EPAS1: variants seen among roughly 807,000 people sequenced by gnomAD.
EPAS1 encodes the protein endothelial PAS domain protein 1.
In EPAS1, 23 loss-of-function variants were observed where a neutral mutation model predicts 87.9. The observed-to-expected ratio is 0.26, with a 90% confidence interval of 0.19 to 0.37. EPAS1 has a LOEUF of 0.37. Ranked by LOEUF, EPAS1 falls within the 10% of genes least tolerant of loss-of-function variation. EPAS1 has a pLI of 1.00. For synonymous variants in EPAS1, 508 were observed against 444.3 expected (o/e 1.14, Z -1.80); for missense variants, 1,138 against 1,120.7 (o/e 1.02, Z -0.22).
At position 46,380,127 on chromosome 2, in the gene EPAS1, CAG is replaced by C; in HGVS notation, c.1555-99_1555-98del. The C allele has an allele frequency of 1.3e-6, 2 of 1,587,562 alleles. No individual in the cohort carries two copies. Among genetic ancestry groups the C allele is most frequent in the Non-Finnish European group, 8.5e-7 (1 of 1,170,014 alleles). On this transcript the variant is annotated intron_variant, in intron 11 of 15. Transcript: ENST00000263734. This position sits in a 1 kb window ranked among gnomAD's most constrained non-coding sequence, Gnocchi z 4.4. ...GAGGCGTTTGAGCAGCACTGTGAAA[CAG>C]TGCTTGAGATGAATGGCTCTGCAGG...
Position 46,353,053 on chromosome 2 carries a change from G to A in EPAS1, c.218-3098G>A, listed in dbSNP as rs191914823. On this transcript the variant is annotated intron_variant, in intron 2 of 15. Coordinates refer to ENST00000263734, the MANE Select transcript of EPAS1 (RefSeq NM_001430.5). The stretch of plus-strand genomic sequence containing the variant: ...GATTACTTCAGATTTTGAAGTCAGC[G>A]TTACCACTGAGATCAAAGAAATTGA... 6.4e-4 allele frequency among the ~76,000 whole-genome samples: 97 copies of A among 152,044 alleles called. 1 individual carries two copies. The highest frequency in any genetic ancestry group is 6.3e-3 in the Admixed American group (96 of 15,300).
At chr2:46,324,893 G>T (rs1410460568) in intron 1 of EPAS1, among the ~76,000 whole-genome samples, 2 of 152,268 alleles carry the variant, frequency 1.3e-5, no homozygotes, top group Non-Finnish European at 2.9e-5. Flanking sequence ...CTCACAGCCT[G>T]CCTTTCTTTC....
At chr2:46,363,442 C>T (rs1054734349) in intron 6 of EPAS1, among the ~76,000 whole-genome samples, 5 of 152,178 alleles carry the variant, frequency 3.3e-5, no homozygotes, top group East Asian at 1.9e-4. Flanking sequence ...ATCCTTGTTA[C>T]AGTGAGAAGA....
intron 1 of EPAS1, among the ~76,000 whole-genome samples, chr2:46,335,023 T>C (rs1027435612): frequency 1.1e-4 from 17 of 152,328 alleles, no homozygotes; most frequent in Admixed American, 3.3e-4. Context: ...ACAGATTCTC[T>C]ACCAGCTCTC....
intron 10 of EPAS1, among the ~76,000 whole-genome samples, 153 bp from the exon 11 acceptor site, chr2:46,378,504 C>A (rs1466474144): frequency 1.3e-5 from 2 of 152,202 alleles, no homozygotes; most frequent in Non-Finnish European, 2.9e-5. Flanking sequence ...CTAATTCATA[C>A]AGCTTGTTAA....
chr2:46,369,865 T>G lies in EPAS1; in HGVS notation c.818T>G (p.Leu273Arg), dbSNP rs200537958. The change falls in exon 7 of 16, where the codon CTT becomes CGT. Residue 273 changes from leucine to arginine, a missense_variant. Physicochemically the swap from Leu to Arg is moderately radical, Grantham distance 102. Around this residue, in one of 4 missense-constraint regions of EPAS1, gnomAD observed 351 missense variants for 417.1 expected, o/e 0.84. Transcript: ENST00000263734. ...ELIGYHPEEL[L>R]GRSAYEFYHA... is the part of the protein sequence containing the mutation. ...ATTGGTTACCACCCTGAGGAGCTGCTTGGCCGCTCAGCCTATGAATTCTAC... is the reference window on the plus strand; with the variant it reads ...ATTGGTTACCACCCTGAGGAGCTGCGTGGCCGCTCAGCCTATGAATTCTAC... The G allele has an allele frequency of 7.8e-5, 126 of 1,613,388 alleles. No homozygotes were observed. In the African/African-American group the frequency reaches 1.2e-3, roughly 16 times the overall value.
chr2:46,302,448 C>T (rs1015410793), intron 1 of EPAS1, among the ~76,000 whole-genome samples: 42 of 151,934 alleles, frequency 2.8e-4, no homozygotes, highest in African/African-American at 9.4e-4. Flanking sequence ...GCTTTCAGTA[C>T]TAACCATTGC....
chr2:46,353,584 A>C (rs1165221058), intron 2 of EPAS1, among the ~76,000 whole-genome samples: 1 of 152,230 alleles, frequency 6.6e-6, no homozygotes. Context: ...ATTTGAAAGC[A>C]CTGAGTTAAG....
chr2:46,316,324 T>C (rs947409059), intron 1 of EPAS1, among the ~76,000 whole-genome samples: 2 of 151,988 alleles, frequency 1.3e-5, no homozygotes, highest in African/African-American at 4.8e-5. Context: ...AATGGGGCAA[T>C]CTTAGCTCAC....
chr2:46,356,193 T>G lies in EPAS1; in HGVS notation c.260T>G (p.Met87Arg). 6.4e-7 allele frequency: 1 copy of G among 1,558,900 alleles called. No individual in the cohort carries two copies. ...TCCGAAGCCGAAGCTGACCAGCAGA[T>G]GGACAACTTGTACCTGAAAGCCTTG... is the stretch of plus-strand genomic sequence containing the variant. Reference protein sequence around the residue: ...NESEAEADQQMDNLYLKALEG... With the variant: ...NESEAEADQQRDNLYLKALEG... The change falls in exon 3 of 16, where the codon ATG becomes AGG. Residue 87 changes from methionine to arginine, a missense_variant. Coordinates refer to ENST00000263734, the MANE Select transcript of EPAS1 (RefSeq NM_001430.5).
chr2:46,309,682 TA>T (rs1177956324), intron 1 of EPAS1, among the ~76,000 whole-genome samples: 1 of 152,154 alleles, frequency 6.6e-6, no homozygotes, highest in African/African-American at 2.4e-5. Context: ...AAGGCAGCAA[TA>T]AACAGAGTGT....
rs774395818 is a variant in EPAS1, at chr2:46,375,751, C to T, written c.948C>T (p.Tyr316=). The change falls in exon 8 of 16, where the codon TAC becomes TAT. Residue 316 remains tyrosine, a synonymous_variant. Coordinates refer to ENST00000263734, the MANE Select transcript of EPAS1 (RefSeq NM_001430.5). This position sits in a 1 kb window ranked among gnomAD's most constrained non-coding sequence, Gnocchi z 4.1. The part of the protein sequence containing the change: ...QYRMLAKHGG[Y]VWLETQGTVI... ...GGATGCTCGCAAAGCATGGGGGCTA[C>T]GTGTGGCTGGAGACCCAGGGGACGG... The T allele has an allele frequency of 2.0e-5, 33 of 1,614,088 alleles. No homozygotes were observed. The Admixed American group carries it at 3.0e-4, about 15-fold the overall frequency.
At chr2:46,299,784 A>G in intron 1 of EPAS1, among the ~76,000 whole-genome samples, 1 of 152,306 alleles carries the variant, frequency 6.6e-6, no homozygotes, top group Non-Finnish European at 1.5e-5. Context: ...TGATTTCGAC[A>G]CACCCAGCTA....
Position 46,347,116 on chromosome 2 carries a change from T to C in EPAS1, c.217+53T>C. On this transcript the variant is annotated intron_variant, in intron 2 of 15. Coordinates refer to ENST00000263734, the MANE Select transcript of EPAS1 (RefSeq NM_001430.5). This position sits in a 1 kb window ranked among gnomAD's most constrained non-coding sequence, Gnocchi z 4.2. ...GGCAGATGCCAGCCTTACCAGCATG[T>C]TCCTATATGCAGGGGACCCTTCTGC... The C allele has an allele frequency of 2.5e-6, 4 of 1,605,762 alleles. No homozygotes were observed. The highest frequency in any genetic ancestry group is 1.7e-4 in the Middle Eastern group (1 of 6,034).
At position 46,386,571 on chromosome 2, in the gene EPAS1, C is replaced by G. The variant is rs77260227; in HGVS notation, c.*1911C>G. ...GCTTCATATTAACCCTACCTGTCAA[C>G]GTAACGATTTCATGAACGTTATTAT... On this transcript the variant is annotated 3_prime_UTR_variant, in exon 16 of 16. Coordinates refer to ENST00000263734, the MANE Select transcript of EPAS1 (RefSeq NM_001430.5). 1 of 152,622 alleles carries G rather than the reference C, an allele frequency of 6.6e-6. No homozygotes were observed. Among genetic ancestry groups the G allele is most frequent in the Admixed American group, 6.5e-5 (1 of 15,280 alleles). The allele number at this position is 152,622 out of a possible 1,614,324, so 9.5% of individuals were successfully genotyped here.
rs556462552 is a variant in EPAS1 at position 46,367,489 on chromosome 2, A to G, written c.780-2338A>G. On this transcript the variant is annotated intron_variant, in intron 6 of 15. Transcript: ENST00000263734. ...AGTCATCCGACCCAGCAGCGAAGCC[A>G]TTTGATCGTAGGACCAGCACTGTTC... 3.3e-5 allele frequency among the ~76,000 whole-genome samples: 5 copies of G among 152,348 alleles called. No homozygotes were observed. The East Asian group carries it at 9.6e-4, about 29-fold the overall frequency.
rs536510532 is a variant in EPAS1 at position 46,324,486 on chromosome 2, C to T, written c.27-22387C>T. ...AAATCTTGCTTGTGAAAATACAAAGCATAGGTGCATGCTGGAGGTAGGGAA... is the reference window on the plus strand; with the variant it reads ...AAATCTTGCTTGTGAAAATACAAAGTATAGGTGCATGCTGGAGGTAGGGAA... On this transcript the variant is annotated intron_variant, in intron 1 of 15. Transcript: ENST00000263734. 3.3e-5 allele frequency among the ~76,000 whole-genome samples: 5 copies of T among 152,300 alleles called. No individual in the cohort carries two copies. The South Asian group carries it at 8.3e-4, about 25-fold the overall frequency.
intron 1 of EPAS1, among the ~76,000 whole-genome samples, chr2:46,332,017 G>C (rs1459306211): frequency 6.6e-6 from 1 of 152,192 alleles, no homozygotes; most frequent in East Asian, 1.9e-4. Flanking sequence ...TTATCTGCTG[G>C]ACAGAACTGA....
intron 6 of EPAS1, among the ~76,000 whole-genome samples, chr2:46,363,410 T>C (rs1684442134): frequency 6.6e-6 from 1 of 152,152 alleles, no homozygotes; most frequent in African/African-American, 2.4e-5. Context: ...GAAAAGAGAT[T>C]TTTTTTAAGC....
Sources: allele counts gnomAD v4.1 joint callset (sites outside exome capture counted in the v4.1 genomes callset), GRCh38; gene constraint gnomAD v4.1.1; regional missense constraint gnomAD v4.1.1; non-coding constraint Gnocchi (gnomAD v3.1); transcripts MANE v1.5; gene names NCBI Gene and HGNC (gene_info 2026-07-23, HGNC 2026-07-21).